TMEM164: variants seen among roughly 807,000 people sequenced by gnomAD.
The protein encoded by TMEM164 is RP13-360B22.2.
In TMEM164, 4 loss-of-function variants were observed where a neutral mutation model predicts 18.8. The ratio of observed to expected loss-of-function variants is 0.21; its 90% CI spans 0.10 to 0.49. The LOEUF is 0.49. Ranked by LOEUF, TMEM164 falls within the 20% of genes least tolerant of loss-of-function variation. The probability of loss-of-function intolerance (pLI) is 0.98; values close to 1 mark genes in which losing one functional copy is unlikely to be tolerated. For missense variants in TMEM164, 108 were observed against 239.9 expected (o/e 0.45, Z 3.63); for synonymous variants, 86 against 101.7 (o/e 0.85, Z 0.93).
intron 2 of TMEM164, among the ~76,000 whole-genome samples, chrX:110,005,392 G>C (rs1371978811): frequency 9.0e-6 from 1 of 111,665 alleles, no homozygotes; most frequent in African/African-American, 3.3e-5. Flanking sequence ...GGTGGCAGTG[G>C]GTGGTGGGGC....
intron 4 of TMEM164, among the ~76,000 whole-genome samples, chrX:110,113,008 C>T (rs2066312360): frequency 9.0e-6 from 1 of 110,984 alleles, no homozygotes; most frequent in African/African-American, 3.3e-5. Flanking sequence ...TTGTTTCTTC[C>T]CCTCACCCTG....
downstream of TMEM164, among the ~76,000 whole-genome samples, chrX:110,181,131 C>T (rs1190087424): frequency 9.0e-6 from 1 of 111,445 alleles, no homozygotes; most frequent in Non-Finnish European, 1.9e-5. Flanking sequence ...TCTCAGTCCC[C>T]AGGCCTCACC....
At position 110,097,920 on chromosome X, in the gene TMEM164, A is replaced by C. The variant is rs763460333; in HGVS notation, c.441-11160A>C. Among the ~76,000 whole-genome samples the C allele has an allele frequency of 8.0e-5, 9 of 112,267 alleles. No homozygotes were observed. In the South Asian group the frequency reaches 2.9e-3, roughly 37 times the overall value. Reference sequence around the variant, plus strand: ...CATATACATTTTTGAATTTTGTTCAATTATCATACAGCCAAATTGGCTTTT... The same window carrying C: ...CATATACATTTTTGAATTTTGTTCACTTATCATACAGCCAAATTGGCTTTT... On this transcript the variant is annotated intron_variant, in intron 3 of 6. Coordinates refer to ENST00000372068, the MANE Select transcript of TMEM164 (RefSeq NM_032227.4).
At chrX:110,030,711 T>C (rs1934452124) in intron 2 of TMEM164, among the ~76,000 whole-genome samples, 1 of 105,049 alleles carries the variant, frequency 9.5e-6, no homozygotes, top group South Asian at 4.4e-4. Context: ...CTAGGGAGGC[T>C]GAGGCAGTAG....
At chrX:110,042,472 G>T (rs1055336540) in intron 2 of TMEM164, among the ~76,000 whole-genome samples, 14 of 111,906 alleles carry the variant, frequency 1.3e-4, no homozygotes, top group Non-Finnish European at 2.4e-4. Flanking sequence ...GAATAATGCT[G>T]CAGTGAATGT....
In TMEM164 at chrX:110,176,235, G is replaced by A. The variant is rs2067288153; in HGVS notation, c.*2784G>A. On this transcript the variant is annotated 3_prime_UTR_variant, in exon 7 of 7. Transcript: ENST00000372068. ...CAGGGATGTGGGCCAAGAACAGTCTGTGGAGCTGGCCAACTTGTGGCATCC... is the reference window on the plus strand; with the variant it reads ...CAGGGATGTGGGCCAAGAACAGTCTATGGAGCTGGCCAACTTGTGGCATCC... 2 of 756,776 alleles carry A rather than the reference G, an allele frequency of 2.6e-6. No homozygotes were observed. The highest frequency in any genetic ancestry group is 3.1e-6 in the Non-Finnish European group (2 of 639,678). 62.4% of individuals were successfully genotyped at this position (756,776 alleles called of 1,213,427 possible).
intron 2 of TMEM164, among the ~76,000 whole-genome samples, chrX:110,048,138 G>T (rs758842457): frequency 9.0e-6 from 1 of 111,116 alleles, no homozygotes; most frequent in East Asian, 2.8e-4. Context: ...TTCCCTGAAC[G>T]CATCTTTGTA....
intron 4 of TMEM164, among the ~76,000 whole-genome samples, chrX:110,117,926 T>G (rs778027816): frequency 7.1e-5 from 8 of 112,269 alleles, no homozygotes; most frequent in Admixed American, 2.8e-4. Flanking sequence ...TATTTCTTTC[T>G]CTTTTTTTTG....
chrX:110,055,248 C>T (rs774628657), intron 2 of TMEM164: 157 of 363,329 alleles, frequency 4.3e-4, no homozygotes, highest in Non-Finnish European at 6.6e-4. Context: ...TACTTCTCAG[C>T]GACAACATAG....
intron 5 of TMEM164, among the ~76,000 whole-genome samples, chrX:110,150,631 G>A (rs1602713968): frequency 1.8e-5 from 2 of 112,054 alleles, no homozygotes; most frequent in African/African-American, 6.5e-5. Context: ...TTTGGTTTTT[G>A]TATATCCTCC....
chrX:110,060,750 C>T (rs1936087315), intron 2 of TMEM164, among the ~76,000 whole-genome samples: 1 of 111,529 alleles, frequency 9.0e-6, no homozygotes, highest in South Asian at 3.8e-4. Context: ...ACAACCTTGA[C>T]TATTTTGAAG....
chrX:110,046,142 C>T, intron 2 of TMEM164: 1 of 754,150 alleles, frequency 1.3e-6, no homozygotes, highest in Non-Finnish European at 1.6e-6. Flanking sequence ...TTACGGGGAA[C>T]AGTGGAAAAA....
intron 5 of TMEM164, 118 bp from the exon 6 acceptor site, chrX:110,171,302 A>G: frequency 1.9e-6 from 1 of 521,829 alleles, no homozygotes; most frequent in Admixed American, 3.2e-5. Context: ...GTTGCCAGTG[A>G]TCAGTAAAAG....
At chrX:110,157,783 G>C (rs1160706522) in intron 5 of TMEM164, among the ~76,000 whole-genome samples, 1 of 112,088 alleles carries the variant, frequency 8.9e-6, no homozygotes, top group Non-Finnish European at 1.9e-5. Context: ...GCTACATTTG[G>C]CTTTTGAACA....
chrX:110,009,118 G>A (rs781169353), intron 2 of TMEM164, among the ~76,000 whole-genome samples: 11 of 112,164 alleles, frequency 9.8e-5, no homozygotes, highest in Non-Finnish European at 1.5e-4. Flanking sequence ...CCTTGCACCT[G>A]TTAATACAAC....
At chrX:110,161,419 C>T (rs970549955) in intron 5 of TMEM164, among the ~76,000 whole-genome samples, 1 of 111,117 alleles carries the variant, frequency 9.0e-6, no homozygotes, top group Non-Finnish European at 1.9e-5. Flanking sequence ...TCTGGTAAAT[C>T]CTGAGGCTCC....
At chrX:110,135,751 A>G (rs1378557476) in intron 4 of TMEM164, among the ~76,000 whole-genome samples, 1 of 112,003 alleles carries the variant, frequency 8.9e-6, no homozygotes, top group Non-Finnish European at 1.9e-5. Context: ...ATGACTGTAC[A>G]TCCTCCAGCT....
intron 2 of TMEM164, among the ~76,000 whole-genome samples, chrX:110,016,847 G>C (rs914026850): frequency 3.6e-5 from 4 of 110,492 alleles, no homozygotes; most frequent in Non-Finnish European, 5.7e-5. Context: ...TGTAGAGATG[G>C]GGTCTTGCCA....
intron 2 of TMEM164, among the ~76,000 whole-genome samples, chrX:110,032,553 CAG>C (rs1934565579): frequency 1.8e-5 from 2 of 111,720 alleles, no homozygotes; most frequent in African/African-American, 3.3e-5. Flanking sequence ...GAATAAAGGA[CAG>C]AACATAACTA....
Sources: gnomAD v4.1 joint callset for allele counts (sites outside exome capture counted in the v4.1 genomes callset) on GRCh38, gnomAD v4.1.1 for gene constraint, MANE v1.5 for transcripts, NCBI Gene and HGNC (gene_info 2026-07-23, HGNC 2026-07-21) for gene names.